The following PRRC2B variants were observed in gnomAD, a reference collection of about 807,000 sequenced individuals.
PRRC2B encodes the protein proline rich coiled-coil 2B, also known as protein PRRC2B.
Under a neutral mutation model 242.3 loss-of-function variants are expected in PRRC2B, and 68 were observed. The observed-to-expected ratio is 0.28, with a 90% CI of 0.23 to 0.34. The LOEUF is 0.34. Ranked by LOEUF, PRRC2B falls within the 10% of genes least tolerant of loss-of-function variation. The pLI, the probability that PRRC2B is intolerant of heterozygous loss-of-function variation, is 1.00. For synonymous variants in PRRC2B, 1,228 were observed against 1,173.6 expected (o/e 1.05, Z -0.95); for missense variants, 2,835 against 2,954.8 (o/e 0.96, Z 0.94).
intron 1 of PRRC2B, among the ~76,000 whole-genome samples, chr9:131,402,936 C>T (rs958805762): frequency 2.0e-5 from 3 of 152,206 alleles, no homozygotes; most frequent in African/African-American, 7.2e-5. Context: ...GACTGTGCCT[C>T]CGGGAAGCCG....
At chr9:131,410,702 A>G (rs564381866) in intron 1 of PRRC2B, among the ~76,000 whole-genome samples, 18 of 152,306 alleles carry the variant, frequency 1.2e-4, no homozygotes, top group Admixed American at 1.2e-3. Flanking sequence ...TCGTTCAAGG[A>G]ACTAATTTTA....
intron 1 of PRRC2B, among the ~76,000 whole-genome samples, chr9:131,413,518 G>A (rs938814290): frequency 6.6e-6 from 1 of 152,144 alleles, no homozygotes; most frequent in Non-Finnish European, 1.5e-5. Context: ...TTCAAACATA[G>A]GCATGCACCA....
Position 131,478,607 on chromosome 9 carries a change from G to C in PRRC2B, c.4746G>C (p.Glu1582Asp). ...TGGAGGAAGAGAGAAGAAAGAAGGAGCAGGCCGTGCAGGTGAGGGGCGGAG... is the reference window on the plus strand; with the variant it reads ...TGGAGGAAGAGAGAAGAAAGAAGGACCAGGCCGTGCAGGTGAGGGGCGGAG... Reference protein sequence around the residue: ...RLLEEERRKKEQAVQVPVKGR... With the variant: ...RLLEEERRKKDQAVQVPVKGR... Residue 1582 changes from glutamate to aspartate, a missense_variant, in exon 18 of 32, where the codon GAG (glutamate) becomes GAC (aspartate). This residue lies in a region of PRRC2B where 1,536 missense variants were observed against 1,483.1 expected (regional missense o/e 1.04). Transcript: ENST00000683519. 9.5e-7 allele frequency: 1 copy of C among 1,057,412 alleles called. No individual in the cohort carries two copies. Among genetic ancestry groups the C allele is most frequent in the Non-Finnish European group, 1.3e-6 (1 of 743,046 alleles). 65.5% of individuals were successfully genotyped at this position (1,057,412 alleles called of 1,614,324 possible).
intron 1 of PRRC2B, among the ~76,000 whole-genome samples, chr9:131,427,365 C>G (rs1838004947): frequency 6.6e-6 from 1 of 151,962 alleles, no homozygotes; most frequent in Non-Finnish European, 1.5e-5. Flanking sequence ...GAGTCTTGCT[C>G]TGTTGCCCAG....
At chr9:131,432,844 T>C in intron 3 of PRRC2B, 50 bp downstream of exon 3, 1 of 1,586,928 alleles carries the variant, frequency 6.3e-7, no homozygotes, top group Non-Finnish European at 8.6e-7. Flanking sequence ...CCAAGGGTGG[T>C]CCCGGCATCC....
intron 1 of PRRC2B, among the ~76,000 whole-genome samples, chr9:131,425,710 C>T (rs1202460647): frequency 6.7e-6 from 1 of 149,798 alleles, no homozygotes; most frequent in African/African-American, 2.5e-5. Flanking sequence ...AGGATGATCT[C>T]GATCTCCTGA....
At chr9:131,416,342 C>T (rs1837651247) in intron 1 of PRRC2B, among the ~76,000 whole-genome samples, 4 of 152,182 alleles carry the variant, frequency 2.6e-5, no homozygotes, top group East Asian at 1.9e-4. Context: ...CCCCTGACCT[C>T]ATGATCTGCC....
At chr9:131,432,260 G>C (rs904414683) in intron 2 of PRRC2B, among the ~76,000 whole-genome samples, 5 of 152,154 alleles carry the variant, frequency 3.3e-5, no homozygotes, top group African/African-American at 9.7e-5. Flanking sequence ...CCTGTAATGA[G>C]ACCAGAGCTG....
At chr9:131,380,777 CT>C (rs772215058) in intron 1 of PRRC2B, among the ~76,000 whole-genome samples, 49 of 149,552 alleles carry the variant, frequency 3.3e-4, no homozygotes, top group Non-Finnish European at 6.4e-4. Context: ...ACTCGGAAGG[CT>C]GAGGCAGGAG....
intron 1 of PRRC2B, among the ~76,000 whole-genome samples, chr9:131,399,223 G>T: frequency 6.9e-6 from 1 of 144,878 alleles, no homozygotes; most frequent in Non-Finnish European, 1.5e-5. Flanking sequence ...GTTGCAGTGA[G>T]CCGAGATTGT....
At chr9:131,428,995 G>A (rs1166203630) in intron 1 of PRRC2B, among the ~76,000 whole-genome samples, 1 of 152,118 alleles carries the variant, frequency 6.6e-6, no homozygotes, top group Non-Finnish European at 1.5e-5. Flanking sequence ...TCGCTCTGTC[G>A]CCTAGACGGG....
chr9:131,491,823 C>T (rs755776979), intron 29 of PRRC2B, among the ~76,000 whole-genome samples: 5 of 152,176 alleles, frequency 3.3e-5, no homozygotes, highest in Non-Finnish European at 5.9e-5. Flanking sequence ...CTGCTATGGA[C>T]GGCCATGTTT....
At chr9:131,424,852 A>G (rs1207253822) in intron 1 of PRRC2B, among the ~76,000 whole-genome samples, 2 of 152,212 alleles carry the variant, frequency 1.3e-5, no homozygotes, top group Admixed American at 1.3e-4. Context: ...TGCCCAGTTA[A>G]TATTTGTTGG....
Position 131,487,383 on chromosome 9 carries a change from C to A in PRRC2B, c.5984+89C>A. 1.1e-5 allele frequency: 7 copies of A among 622,376 alleles called. No individual in the cohort carries two copies. Among genetic ancestry groups the A allele is most frequent in the African/African-American group, 1.9e-5 (1 of 51,422 alleles). The allele number at this position is 622,376 out of a possible 1,614,324, so 38.6% of individuals were successfully genotyped here. On this transcript the variant is annotated intron_variant, in intron 27 of 31. Coordinates refer to ENST00000683519, the MANE Select transcript of PRRC2B (RefSeq NM_013318.4). The surrounding 1 kb of genome is among the most constrained non-coding windows in gnomAD (Gnocchi z 5.3). ...GCCTTCGTCCTGCAGCTGTTTGGTG[C>A]TTGTCTGCTTTGGGGCCAGTGGGGC...
In PRRC2B at chr9:131,488,209, A is replaced by G. The variant is rs1944081240; in HGVS notation, c.6225+113A>G. 5.0e-6 allele frequency: 7 copies of G among 1,405,726 alleles called. No homozygotes were observed. The Admixed American group carries it at 1.3e-4, about 26-fold the overall frequency. The allele number at this position is 1,405,726 out of a possible 1,614,324, so 87.1% of individuals were successfully genotyped here. Reference sequence around the variant, plus strand: ...CTGGCCTATCGTGCTGTTGGTTGGTAGCCACCGTGCCCATTCCTCAGCGTG... The same window carrying G: ...CTGGCCTATCGTGCTGTTGGTTGGTGGCCACCGTGCCCATTCCTCAGCGTG... On this transcript the variant is annotated intron_variant, in intron 28 of 31. Transcript: ENST00000683519.
rs778973329 is a variant in PRRC2B, at chr9:131,385,638, ATTAAG to A, written c.-56+11911_-56+11915del. 1.3e-4 allele frequency among the ~76,000 whole-genome samples: 19 copies of A among 150,876 alleles called. 2 individuals carry two copies. In the East Asian group the frequency reaches 2.2e-3, roughly 17 times the overall value. On this transcript the variant is annotated intron_variant, in intron 1 of 1. Coordinates refer to the PRRC2B transcript ENST00000682525. Reference sequence around the variant, plus strand: ...AATAATAACAGTCTTGCAAGTGTTAATTAAGTTATCTTAGCAGCATGCCTGGCCCA... The same window carrying A: ...AATAATAACAGTCTTGCAAGTGTTAATTATCTTAGCAGCATGCCTGGCCCA...
Position 131,394,269 on chromosome 9 carries a change from T to G in PRRC2B, c.-52+6T>G. The G allele has an allele frequency of 6.9e-6, 1 of 143,886 alleles. No homozygotes were observed. Among genetic ancestry groups the G allele is most frequent in the African/African-American group, 2.5e-5 (1 of 39,528 alleles). 8.9% of individuals were successfully genotyped at this position (143,886 alleles called of 1,614,324 possible). On this transcript the variant is annotated splice_donor_region_variant and intron_variant, in intron 1 of 31. Transcript: ENST00000683519. ...CGCCCGCGGAACCAGACCAGGTGGG[T>G]CGGGGCCGGGGCCGGGGCCGGGGCG... is the stretch of plus-strand genomic sequence containing the variant.
chr9:131,495,397 C>A (rs1944304475), intron 31 of PRRC2B, among the ~76,000 whole-genome samples: 1 of 152,132 alleles, frequency 6.6e-6, no homozygotes, highest in Non-Finnish European at 1.5e-5. Flanking sequence ...GCCTGTGGGG[C>A]AGGAGGTGCA....
intron 15 of PRRC2B, 113 bp from the exon 16 acceptor site, chr9:131,474,341 G>T: frequency 2.2e-6 from 2 of 893,810 alleles, no homozygotes; most frequent in Non-Finnish European, 3.3e-6. Context: ...TTTTTAAAAA[G>T]TGTTTTAGTT....
Sources: gnomAD v4.1 joint callset for allele counts (sites outside exome capture counted in the v4.1 genomes callset) on GRCh38, gnomAD v4.1.1 for gene constraint, gnomAD v4.1.1 regional missense constraint, Gnocchi (gnomAD v3.1) non-coding constraint, MANE v1.5 for transcripts, NCBI Gene and HGNC (gene_info 2026-07-23, HGNC 2026-07-21) for gene names.